The following FAM98C variants were observed in gnomAD, a reference collection of about 807,000 sequenced individuals.
FAM98C encodes protein FAM98C.
Under a neutral mutation model 41.1 loss-of-function variants are expected in FAM98C, and 38 were observed. That is an observed-to-expected ratio of 0.92 (90% CI 0.71 to 1.21). The LOEUF (loss-of-function observed/expected upper bound fraction) is 1.21. Among genes scored for constraint, FAM98C ranks in the 50% most tolerant of loss-of-function variants. The pLI is 0.00. For synonymous variants in FAM98C, 195 were observed against 216.7 expected (o/e 0.90, Z 0.88); for missense variants, 493 against 484.7 (o/e 1.02, Z -0.16).
At chr19:38,408,536 G>T in intron 7 of FAM98C, 1 of 548,990 alleles carries the variant, frequency 1.8e-6, no homozygotes, top group Non-Finnish European at 3.2e-6. Flanking sequence ...TCCAGCCTGG[G>T]CAACAGAGTG....
Position 38,403,447 on chromosome 19 carries a change from C to G in FAM98C, c.175C>G (p.Gln59Glu). Residue 59 changes from glutamine (Q) to glutamate (E), a missense_variant, in exon 2 of 8, where the codon CAG becomes GAG. Transcript: ENST00000252530. Reference sequence around the variant, plus strand: ...GGCGACGCTGGGCGCCCTCGAGCAGCAGCGAGAGGCGGGCGCGGAGGTGCT... The same window carrying G: ...GGCGACGCTGGGCGCCCTCGAGCAGGAGCGAGAGGCGGGCGCGGAGGTGCT... ...ELATLGALEQ[Q>E]REAGAEVLSA... The G allele has an allele frequency of 7.1e-7, 1 of 1,411,254 alleles. No individual in the cohort carries two copies. The highest frequency in any genetic ancestry group is 9.1e-7 in the Non-Finnish European group (1 of 1,093,380). The allele number at this position is 1,411,254 out of a possible 1,614,324, so 87.4% of individuals were successfully genotyped here.
rs758650390 is a variant in FAM98C, at chr19:38,404,973, C to A, written c.415C>A (p.Pro139Thr). 67 of 1,614,050 alleles carry A rather than the reference C, an allele frequency of 4.2e-5. No homozygotes were observed. The highest frequency in any genetic ancestry group is 5.3e-5 in the Non-Finnish European group (62 of 1,180,040). ...CCTCCGCTCTCTGCTGGATCCGAGT[C>A]CTAGGCCACCCCTTGGTGAAGGGGT... ...LCLRSLLDPS[P>T]RPPLGEGVVE... The change falls in exon 4 of 8, where the codon CCT becomes ACT. Residue 139 changes from proline (P) to threonine (T), a missense_variant. Coordinates refer to ENST00000252530, the MANE Select transcript of FAM98C (RefSeq NM_174905.4).
At chr19:38,403,779 G>T in intron 3 of FAM98C, 85 bp downstream of exon 3, 5 of 1,340,926 alleles carry the variant, frequency 3.7e-6, no homozygotes, top group Non-Finnish European at 4.8e-6. Flanking sequence ...AGGTTCCCAA[G>T]GGGTGTGGTC....
rs1971010167 is a variant in FAM98C at position 38,404,423 on chromosome 19, A to AG, written c.350-485_350-484insG. The stretch of plus-strand genomic sequence containing the variant: ...CCTATGTTGCCCTGTCTGGTCTTCA[A>AG]CTCCTGGCTTCAAGCGATCCTCCCA... On this transcript the variant is annotated intron_variant, in intron 3 of 7. Transcript: ENST00000252530. Among the ~76,000 whole-genome samples the AG allele has an allele frequency of 2.0e-5, 3 of 149,872 alleles. No homozygotes were observed. In the South Asian group the frequency reaches 6.3e-4, roughly 32 times the overall value.
chr19:38,408,988 C>A lies in FAM98C; in HGVS notation c.*106C>A. The A allele has an allele frequency of 3.2e-6, 4 of 1,244,376 alleles. No homozygotes were observed. The highest frequency in any genetic ancestry group is 3.3e-6 in the Non-Finnish European group (3 of 921,056). The allele number at this position is 1,244,376 out of a possible 1,614,324, so 77.1% of individuals were successfully genotyped here. ...CTTTCCTTGGTATTTGGCACCCAAG[C>A]CCCCCATCTCCTATTCCTGAGTCCC... On this transcript the variant is annotated 3_prime_UTR_variant, in exon 8 of 8. Transcript: ENST00000252530.
At chr19:38,408,437 T>C (rs1971082177) in intron 7 of FAM98C, 1 of 289,590 alleles carries the variant, frequency 3.5e-6, no homozygotes, top group Non-Finnish European at 6.6e-6. Flanking sequence ...CACGCACCTG[T>C]AGTCCCAGCT....
chr19:38,403,727 T>C, intron 3 of FAM98C, 33 bp downstream of exon 3: 1 of 1,386,148 alleles, frequency 7.2e-7, no homozygotes, highest in Middle Eastern at 2.7e-4. Context: ...GGCAAGGCCA[T>C]GGCCTCCGGA....
chr19:38,404,512 G>T (rs1424637160), intron 3 of FAM98C, among the ~76,000 whole-genome samples: 5 of 151,994 alleles, frequency 3.3e-5, no homozygotes, highest in Non-Finnish European at 7.4e-5. Flanking sequence ...CTGGGCAAAG[G>T]TGGAGGTTTT....
chr19:38,404,953 G>T lies in FAM98C; in HGVS notation c.395G>T (p.Arg132Leu). 1 of 1,614,130 alleles carries T rather than the reference G, an allele frequency of 6.2e-7. No homozygotes were observed. Residue 132 changes from arginine to leucine, a missense_variant, in exon 4 of 8, where the codon CGC becomes CTC. Coordinates refer to ENST00000252530, the MANE Select transcript of FAM98C (RefSeq NM_174905.4). The part of the protein sequence containing the change: ...ELQATRLLCL[R>L]SLLDPSPRPP... The stretch of plus-strand genomic sequence containing the variant: ...CAAGCCACCCGCCTCCTGTGCCTCC[G>T]CTCTCTGCTGGATCCGAGTCCTAGG...
Position 38,408,983 on chromosome 19 carries a change from C to A in FAM98C, c.*101C>A. On this transcript the variant is annotated 3_prime_UTR_variant, in exon 8 of 8. Coordinates refer to ENST00000252530, the MANE Select transcript of FAM98C (RefSeq NM_174905.4). The stretch of plus-strand genomic sequence containing the variant: ...TAAGGCTTTCCTTGGTATTTGGCAC[C>A]CAAGCCCCCCATCTCCTATTCCTGA... 7.6e-7 allele frequency: 1 copy of A among 1,314,048 alleles called. No individual in the cohort carries two copies. The highest frequency in any genetic ancestry group is 1.5e-5 in the African/African-American group (1 of 66,200). 81.4% of individuals were successfully genotyped at this position (1,314,048 alleles called of 1,614,324 possible).
In FAM98C at chr19:38,405,104, G is replaced by A. The variant is rs1182453388; in HGVS notation, c.546G>A (p.Leu182=). The A allele has an allele frequency of 1.2e-6, 2 of 1,610,434 alleles. No individual in the cohort carries two copies. The highest frequency in any genetic ancestry group is 8.5e-7 in the Non-Finnish European group (1 of 1,177,740). ...CCGCCAGCCAGCTGCTGCAGGAGTTGCATGCTAAGGTAGAGAGTCAGAGTC... is the reference window on the plus strand; with the variant it reads ...CCGCCAGCCAGCTGCTGCAGGAGTTACATGCTAAGGTAGAGAGTCAGAGTC... ...GTPASQLLQE[L]HAKISELQPS... The change falls in exon 4 of 8, where the codon TTG becomes TTA. Residue 182 remains leucine (L), a synonymous_variant. Transcript: ENST00000252530.
chr19:38,408,251 C>CAAA (rs570508822), intron 7 of FAM98C: 4,724 of 127,618 alleles, frequency 0.037, 94 homozygotes, highest in African/African-American at 0.055. Context: ...GACTCTGTCT[C>CAAA]AAAAAAAAAA....
Position 38,403,116 on chromosome 19 carries a change from C to A in FAM98C, c.-38C>A, listed in dbSNP as rs370118421. 16 of 1,493,324 alleles carry A rather than the reference C, an allele frequency of 1.1e-5. No individual in the cohort carries two copies. In the Admixed American group the frequency reaches 3.0e-4, roughly 28 times the overall value. 92.5% of individuals were successfully genotyped at this position (1,493,324 alleles called of 1,614,324 possible). ...CGCGGCGCTTTTGGGGCGGAGCCTGCCACCGGCCGCCAGGGGGCGCGCCGA... is the reference window on the plus strand; with the variant it reads ...CGCGGCGCTTTTGGGGCGGAGCCTGACACCGGCCGCCAGGGGGCGCGCCGA... On this transcript the variant is annotated 5_prime_UTR_variant, in exon 1 of 8. Coordinates refer to ENST00000252530, the MANE Select transcript of FAM98C (RefSeq NM_174905.4).
At chr19:38,404,844 T>C in intron 3 of FAM98C, 64 bp from the exon 4 acceptor site, 8 of 1,587,588 alleles carry the variant, frequency 5.0e-6, no homozygotes, top group Non-Finnish European at 6.9e-6. Flanking sequence ...TGGAGCTTTT[T>C]GACCAAGATG....
rs372902479 is a variant in FAM98C at position 38,406,990 on chromosome 19, C to A, written c.831C>A (p.His277Gln). 8 of 1,614,070 alleles carry A rather than the reference C, an allele frequency of 5.0e-6. No individual in the cohort carries two copies. Among genetic ancestry groups the A allele is most frequent in the Non-Finnish European group, 6.8e-6 (8 of 1,180,050 alleles). Residue 277 changes from histidine to glutamine, a missense_variant, in exon 7 of 8, where the codon CAC becomes CAA. Physicochemically the swap from His to Gln is conservative, Grantham distance 24 (BLOSUM62 0). Coordinates refer to ENST00000252530, the MANE Select transcript of FAM98C (RefSeq NM_174905.4). ...CAGAATCGGACATCTCCATTGCACA[C>A]GTTCTGGCTGCCCGAGCCGACCTGT... The part of the protein sequence containing the change: ...LTPESDISIA[H>Q]VLAARADLSC...
chr19:38,405,169 G>A (rs11666939), intron 4 of FAM98C, 56 bp downstream of exon 4: 30 of 1,564,934 alleles, frequency 1.9e-5, no homozygotes, highest in Non-Finnish European at 2.4e-5. Context: ...TTGTGGGGGT[G>A]GGGGTCCTCT....
Position 38,405,618 on chromosome 19 carries a change from T to A in FAM98C, c.733T>A (p.Trp245Arg). ...TGACCTCACTACATCTGCTTTCCAC[T>A]GGAGTGACCGGGCAGAGGTGTGGTG... ...RLDLTTSAFH[W>R]SDRAEAQGEA... Residue 245 changes from tryptophan (W) to arginine (R), a missense_variant, in exon 6 of 8, where the codon TGG (tryptophan) becomes AGG (arginine). By Grantham distance (101) the Trp-to-Arg change is moderately radical (BLOSUM62 -3). Coordinates refer to ENST00000252530, the MANE Select transcript of FAM98C (RefSeq NM_174905.4). 1.2e-6 allele frequency: 2 copies of A among 1,614,086 alleles called. No individual in the cohort carries two copies. Among genetic ancestry groups the A allele is most frequent in the Non-Finnish European group, 1.7e-6 (2 of 1,180,010 alleles).
chr19:38,408,179 C>G (rs1450127663), intron 7 of FAM98C: 2 of 151,606 alleles, frequency 1.3e-5, no homozygotes, highest in African/African-American at 4.9e-5. Flanking sequence ...AGCCCAGGAG[C>G]AGAGGTTGCA....
intron 7 of FAM98C, chr19:38,408,160 G>A (rs113749723): frequency 0.024 from 3,580 of 151,246 alleles, 54 homozygotes; most frequent in South Asian, 0.044. Context: ...GAGGTGGGTG[G>A]ATCACTTGAG....
Sources: gnomAD v4.1 joint callset for allele counts (sites outside exome capture counted in the v4.1 genomes callset) on GRCh38, gnomAD v4.1.1 for gene constraint, MANE v1.5 for transcripts, NCBI Gene and HGNC (gene_info 2026-07-23, HGNC 2026-07-21) for gene names.